The following AKAP13 variants were observed in gnomAD, a reference collection of about 807,000 sequenced individuals.
AKAP13 encodes A-kinase anchor protein 13.
AKAP13 carries 80 observed loss-of-function variants against 264.5 expected under a neutral mutation model. The ratio of observed to expected loss-of-function variants is 0.30; its 90% CI spans 0.25 to 0.36. The LOEUF is 0.36. Among genes scored for constraint, AKAP13 ranks in the 10% least tolerant of loss-of-function variants. The pLI is 1.00. For synonymous variants in AKAP13, 1,380 were observed against 1,250.2 expected (o/e 1.10, Z -2.19); for missense variants, 3,712 against 3,435.2 (o/e 1.08, Z -2.01).
chr15:85,676,917 C>T (rs748972753), intron 14 of AKAP13: 2 of 985,236 alleles, frequency 2.0e-6, no homozygotes, highest in South Asian at 9.4e-5. Flanking sequence ...TCCCCATGTG[C>T]TGAAGGCCCT....
intron 14 of AKAP13, among the ~76,000 whole-genome samples, chr15:85,674,704 C>T (rs968043074): frequency 6.6e-6 from 1 of 152,104 alleles, no homozygotes; most frequent in African/African-American, 2.4e-5. Context: ...GGTAAAGGAT[C>T]TGTGTGACCA....
intron 14 of AKAP13, 94 bp from the exon 15 acceptor site, chr15:85,682,064 T>C (rs1232865395): frequency 4.2e-6 from 5 of 1,185,248 alleles, no homozygotes; most frequent in African/African-American, 1.5e-5. Flanking sequence ...ACGCTGTTTT[T>C]GCTTTAGCTG....
At chr15:85,644,994 C>A (rs1376808523) in intron 9 of AKAP13, among the ~76,000 whole-genome samples, 1 of 152,098 alleles carries the variant, frequency 6.6e-6, no homozygotes, top group East Asian at 1.9e-4. Context: ...GTGGCGTGTG[C>A]CTGCATTCTC....
chr15:85,431,798 G>A (rs1567053070), intron 1 of AKAP13, among the ~76,000 whole-genome samples: 1 of 152,188 alleles, frequency 6.6e-6, no homozygotes, highest in Non-Finnish European at 1.5e-5. Flanking sequence ...AACTCAATTA[G>A]ATGGTAAAAA....
intron 1 of AKAP13, among the ~76,000 whole-genome samples, chr15:85,419,905 A>G (rs914767941): frequency 6.7e-6 from 1 of 149,058 alleles, no homozygotes; most frequent in African/African-American, 2.5e-5. Flanking sequence ...TGTCATTTCT[A>G]GAAGGCTTAA....
intron 4 of AKAP13, among the ~76,000 whole-genome samples, chr15:85,543,509 T>C (rs1490241419): frequency 2.6e-5 from 4 of 152,238 alleles, no homozygotes; most frequent in Non-Finnish European, 5.9e-5. Context: ...AATATAGAAA[T>C]GTCCTGATTC....
intron 1 of AKAP13, among the ~76,000 whole-genome samples, chr15:85,437,292 GACCAATA>G (rs1336481403): frequency 6.6e-6 from 1 of 151,444 alleles, no homozygotes; most frequent in Non-Finnish European, 1.5e-5. Context: ...TCTCTGAATA[GACCAATA>G]ACAGGAGCTG....
rs1199173202 is a variant in AKAP13, at chr15:85,440,747, C to T, written c.-11-44963C>T. 2.0e-5 allele frequency among the ~76,000 whole-genome samples: 3 copies of T among 152,206 alleles called. No homozygotes were observed. The South Asian group carries it at 6.2e-4, about 32-fold the overall frequency. ...CTGCTTTCTCAGAGCCATCCAGTTA[C>T]TCTTGTCATATATGCAGTTTGAAGA... On this transcript the variant is annotated intron_variant, in intron 1 of 36. Coordinates refer to ENST00000394518, the MANE Select transcript of AKAP13 (RefSeq NM_007200.5).
At chr15:85,410,219 G>C (rs2071894133) in intron 1 of AKAP13, among the ~76,000 whole-genome samples, 1 of 151,452 alleles carries the variant, frequency 6.6e-6, no homozygotes, top group Non-Finnish European at 1.5e-5. Context: ...ACTTCCCCGG[G>C]CTGGTCGCTC....
chr15:85,567,629 C>T lies in AKAP13; in HGVS notation c.663-7502C>T, dbSNP rs534458593. Reference sequence around the variant, plus strand: ...GAAGTCAGTTTGTAACCTCATTGGTCTCCATTCCCACATTCCTCTTCTGTG... The same window carrying T: ...GAAGTCAGTTTGTAACCTCATTGGTTTCCATTCCCACATTCCTCTTCTGTG... On this transcript the variant is annotated intron_variant, in intron 5 of 36. Coordinates refer to ENST00000394518, the MANE Select transcript of AKAP13 (RefSeq NM_007200.5). Among the ~76,000 whole-genome samples, 25 of 152,246 alleles carry T rather than the reference C, an allele frequency of 1.6e-4. No individual in the cohort carries two copies. The South Asian group carries it at 2.5e-3, about 15-fold the overall frequency.
intron 16 of AKAP13, 32 bp downstream of exon 16, chr15:85,684,905 A>G (rs1328291287): frequency 6.2e-7 from 1 of 1,603,318 alleles, no homozygotes; most frequent in East Asian, 2.2e-5. Context: ...GCTTGTGATC[A>G]CCTCAGTAGG....
chr15:85,462,789 C>G (rs1233827595), intron 1 of AKAP13, among the ~76,000 whole-genome samples: 3 of 151,838 alleles, frequency 2.0e-5, no homozygotes, highest in Admixed American at 1.3e-4. Flanking sequence ...CTTTGGGAGG[C>G]CGAGGCGGGC....
At chr15:85,656,590 G>A (rs1053000748) in intron 11 of AKAP13, among the ~76,000 whole-genome samples, 1 of 152,164 alleles carries the variant, frequency 6.6e-6, no homozygotes, top group Non-Finnish European at 1.5e-5. Flanking sequence ...GGGACTACAG[G>A]CGCCCGCCAC....
At chr15:85,703,372 C>T (rs566960227) in intron 17 of AKAP13, among the ~76,000 whole-genome samples, 6 of 152,262 alleles carry the variant, frequency 3.9e-5, no homozygotes, top group South Asian at 2.1e-4. Flanking sequence ...AGTGTTGTTA[C>T]GAAAACTGCT....
At chr15:85,610,454 A>T (rs2080555535) in intron 8 of AKAP13, among the ~76,000 whole-genome samples, 1 of 152,222 alleles carries the variant, frequency 6.6e-6, no homozygotes, top group African/African-American at 2.4e-5. Context: ...TCTTTGACAC[A>T]ATCAAAAGTA....
chr15:85,482,260 C>T (rs1329984002), intron 1 of AKAP13, among the ~76,000 whole-genome samples: 1 of 152,144 alleles, frequency 6.6e-6, no homozygotes, highest in Non-Finnish European at 1.5e-5. Flanking sequence ...CTCAGGGAGG[C>T]CTTCCCTCAG....
At chr15:85,381,405 G>C (rs2070252240) in intron 1 of AKAP13, among the ~76,000 whole-genome samples, 2 of 151,586 alleles carry the variant, frequency 1.3e-5, no homozygotes, top group South Asian at 2.1e-4. Flanking sequence ...CGGCCCAGGA[G>C]ACCCGTGCGG....
In AKAP13 at chr15:85,661,750, A is replaced by G. The variant is rs146607695; in HGVS notation, c.4800-2813A>G. Among the ~76,000 whole-genome samples the G allele has an allele frequency of 5.1e-3, 770 of 152,306 alleles. 9 individuals are homozygous for G. Among genetic ancestry groups the G allele is most frequent in the African/African-American group, 0.018 (732 of 41,558 alleles). ...GGGTAGTTTTCATTATCATTAAAACATAAGCAAATATATAATCAGTGTTAT... is the reference window on the plus strand; with the variant it reads ...GGGTAGTTTTCATTATCATTAAAACGTAAGCAAATATATAATCAGTGTTAT... On this transcript the variant is annotated intron_variant, in intron 12 of 36. Coordinates refer to ENST00000394518, the MANE Select transcript of AKAP13 (RefSeq NM_007200.5).
At chr15:85,437,615 A>G (rs1384422057) in intron 1 of AKAP13, among the ~76,000 whole-genome samples, 1 of 152,214 alleles carries the variant, frequency 6.6e-6, no homozygotes, top group South Asian at 2.1e-4. Context: ...CAAAAAGCTT[A>G]TCCGCCATGA....
Sources: allele counts gnomAD v4.1 joint callset (sites outside exome capture counted in the v4.1 genomes callset), GRCh38; gene constraint gnomAD v4.1.1; transcripts MANE v1.5; gene names NCBI Gene and HGNC (gene_info 2026-07-23, HGNC 2026-07-21).